Variants in PSMC3 observed in about 807,000 individuals in gnomAD.
The protein encoded by PSMC3 is 26S proteasome regulatory subunit 6A.
In PSMC3, 11 loss-of-function variants were observed where a neutral mutation model predicts 52.0. The observed-to-expected ratio is 0.21, with a 90% CI of 0.13 to 0.35. The LOEUF (loss-of-function observed/expected upper bound fraction) is 0.35. Ranked by LOEUF, PSMC3 falls within the 10% of genes least tolerant of loss-of-function variation. The probability of loss-of-function intolerance (pLI) is 1.00; values close to 1 mark genes in which losing one functional copy is unlikely to be tolerated. For missense variants in PSMC3, 238 were observed against 567.1 expected, an observed-to-expected ratio of 0.42 and a Z score of 5.89; for synonymous variants, 201 against 218.8, an observed-to-expected ratio of 0.92 and a Z score of 0.72.
intron 10 of PSMC3, among the ~76,000 whole-genome samples, chr11:47,419,865 T>TTAAA (rs1455720151): frequency 7.1e-6 from 1 of 140,046 alleles, no homozygotes; most frequent in South Asian, 2.3e-4. Context: ...TCTCCAAAAA[T>TTAAA]TAAAAAAAAA....
In PSMC3 at chr11:47,422,408, C is replaced by G. The variant is rs2096041674; in HGVS notation, c.884+166G>C. ...ATGAATGGCTGGGGAAACAGGGAGG[C>G]TATTGATCAGGAGTTAGGAATTGGA... is the stretch of plus-strand genomic sequence containing the variant. On this transcript the variant is annotated intron_variant, in intron 8 of 11. Coordinates refer to ENST00000298852, the MANE Select transcript of PSMC3 (RefSeq NM_002804.5). This position sits in a 1 kb window ranked among gnomAD's most constrained non-coding sequence, Gnocchi z 4.3. Among the ~76,000 whole-genome samples, 1 of 152,008 alleles carries G rather than the reference C, an allele frequency of 6.6e-6. No homozygotes were observed. The highest frequency in any genetic ancestry group is 6.6e-5 in the Admixed American group (1 of 15,266).
chr11:47,426,370 G>C lies in PSMC3; in HGVS notation c.-91C>G, dbSNP rs1187180612. On this transcript the variant is annotated 5_prime_UTR_variant, in exon 1 of 12. Coordinates refer to ENST00000298852, the MANE Select transcript of PSMC3 (RefSeq NM_002804.5). ...TCTTAAAGCCTTCTCTTGACCAGTG[G>C]AAAACCTCTCCCCACAAATCCCGAC... 3 of 1,194,332 alleles carry C rather than the reference G, an allele frequency of 2.5e-6. No individual in the cohort carries two copies. The highest frequency in any genetic ancestry group is 3.5e-6 in the Non-Finnish European group (3 of 861,348). 74.0% of individuals were successfully genotyped at this position (1,194,332 alleles called of 1,614,324 possible).
intron 8 of PSMC3, among the ~76,000 whole-genome samples, chr11:47,421,734 C>A (rs984390660): frequency 6.6e-6 from 1 of 151,714 alleles, no homozygotes; most frequent in African/African-American, 2.4e-5. Context: ...CCCACTGCAA[C>A]CTCCGCCTCC....
intron 1 of PSMC3, 63 bp from the exon 2 acceptor site, chr11:47,426,013 T>G (rs2096046003): frequency 6.6e-7 from 1 of 1,515,764 alleles, no homozygotes; most frequent in African/African-American, 1.4e-5. Flanking sequence ...TCCCTCGTTC[T>G]CCGAACCCAC....
At position 47,426,212 on chromosome 11, in the gene PSMC3, T is replaced by C; in HGVS notation, c.68A>G (p.Glu23Gly). The change falls in exon 1 of 12, where the codon GAG (glutamate) becomes GGG (glycine). Residue 23 changes from glutamate to glycine, a missense_variant. Glu to Gly is a moderately conservative substitution (Grantham distance 98, BLOSUM62 -2). Transcript: ENST00000298852. Reference sequence around the variant, plus strand: ...AGCTCGCCCGGTGCCCACCTCGGCCTCATCCCACACGGTCGCCATCTTCTC... The same window carrying C: ...AGCTCGCCCGGTGCCCACCTCGGCCCCATCCCACACGGTCGCCATCTTCTC... ...RQEKMATVWD[E>G]AEQDGIGEEV... 1 of 1,559,388 alleles carries C rather than the reference T, an allele frequency of 6.4e-7. No homozygotes were observed. Among genetic ancestry groups the C allele is most frequent in the Non-Finnish European group, 8.7e-7 (1 of 1,152,504 alleles).
intron 11 of PSMC3, 60 bp downstream of exon 11, chr11:47,419,056 C>T (rs2096036727): frequency 1.9e-6 from 3 of 1,610,566 alleles, no homozygotes; most frequent in Non-Finnish European, 2.5e-6. Context: ...TGCCCCCATC[C>T]TGTCCAGGGA....
chr11:47,425,474 C>G, intron 2 of PSMC3: 1 of 598,912 alleles, frequency 1.7e-6, no homozygotes, highest in Non-Finnish European at 2.9e-6. Flanking sequence ...GGAATAAAAG[C>G]AGGCCTCCGA....
rs958577646 is a variant in PSMC3 at position 47,426,353 on chromosome 11, C to A, written c.-74G>T. ...GAGATTAATACCGTCTTTCTTAAAGCCTTCTCTTGACCAGTGGAAAACCTC... is the reference window on the plus strand; with the variant it reads ...GAGATTAATACCGTCTTTCTTAAAGACTTCTCTTGACCAGTGGAAAACCTC... On this transcript the variant is annotated 5_prime_UTR_variant, in exon 1 of 12. Transcript: ENST00000298852. 1 of 1,349,382 alleles carries A rather than the reference C, an allele frequency of 7.4e-7. No homozygotes were observed. Among genetic ancestry groups the A allele is most frequent in the Non-Finnish European group, 1.0e-6 (1 of 984,054 alleles). The allele number at this position is 1,349,382 out of a possible 1,614,324, so 83.6% of individuals were successfully genotyped here. A position where few individuals can be genotyped will look rare whatever the true frequency, so the allele number is the denominator to read the frequency against.
chr11:47,426,144 T>C (rs1275465291), intron 1 of PSMC3, 61 bp downstream of exon 1: 1 of 1,516,830 alleles, frequency 6.6e-7, no homozygotes, highest in Non-Finnish European at 8.9e-7. Context: ...TCCTTCCCTC[T>C]TGTCAATGGC....
At position 47,423,791 on chromosome 11, in the gene PSMC3, G is replaced by GA. The variant is rs35942756; in HGVS notation, c.591+254dup. ...GCAGTAAAAGCAAAACTCCATCTCG[G>GA]AAAAAAAAAAAAAAAGGACACTGGG... On this transcript the variant is annotated intron_variant, in intron 6 of 11. Coordinates refer to ENST00000298852, the MANE Select transcript of PSMC3 (RefSeq NM_002804.5). Among the ~76,000 whole-genome samples, 9 of 142,220 alleles carry GA rather than the reference G, an allele frequency of 6.3e-5. No homozygotes were observed. In the South Asian group the frequency reaches 2.0e-3, roughly 32 times the overall value. The allele number at this position is 142,220 out of a possible 152,430, so 93.3% of individuals were successfully genotyped here. A position where few individuals can be genotyped will look rare whatever the true frequency, so the allele number is the denominator to read the frequency against.
At position 47,424,460 on chromosome 11, in the gene PSMC3, T is replaced by C. The variant is rs1410358871; in HGVS notation, c.422A>G (p.Asp141Gly). The C allele has an allele frequency of 2.5e-6, 4 of 1,614,068 alleles. No individual in the cohort carries two copies. The South Asian group carries it at 4.4e-5, about 18-fold the overall frequency. ...GTCTCCTGGCTTTAGCTTTTCAGCA[T>C]CCACCAACCCAATCACAGGAAGGAA... ...TYFLPVIGLVDAEKLKPGDLV... is the reference protein window; with the variant it reads ...TYFLPVIGLVGAEKLKPGDLV... Residue 141 changes from aspartate to glycine, a missense_variant, in exon 5 of 12, where the codon GAT becomes GGT. Asp to Gly is a moderately conservative substitution (Grantham distance 94). This residue lies in a region of PSMC3 where 60 missense variants were observed against 117.3 expected (regional missense o/e 0.51). Transcript: ENST00000298852. The surrounding 1 kb of genome is among the most constrained non-coding windows in gnomAD (Gnocchi z 4.8).
chr11:47,420,537 A>G lies in PSMC3; in HGVS notation c.981+94T>C, dbSNP rs572441414. Reference sequence around the variant, plus strand: ...CATGGGATGTTAAAGACAGATCCCAATTCTCATTCCAGCTCCACCACTGGC... The same window carrying G: ...CATGGGATGTTAAAGACAGATCCCAGTTCTCATTCCAGCTCCACCACTGGC... On this transcript the variant is annotated intron_variant, in intron 9 of 11. Transcript: ENST00000298852. 5.2e-5 allele frequency: 78 copies of G among 1,512,488 alleles called. No homozygotes were observed. The African/African-American group carries it at 7.7e-4, about 15-fold the overall frequency. 93.7% of individuals were successfully genotyped at this position (1,512,488 alleles called of 1,614,324 possible). A position where few individuals can be genotyped will look rare whatever the true frequency, so the allele number is the denominator to read the frequency against.
At chr11:47,425,046 T>G in intron 3 of PSMC3, 75 bp downstream of exon 3, 2 of 1,596,072 alleles carry the variant, frequency 1.3e-6, no homozygotes, top group Non-Finnish European at 8.6e-7. Context: ...CACCCACTCT[T>G]TCCCTAGTGG....
chr11:47,421,236 C>T (rs1327483936), intron 8 of PSMC3, among the ~76,000 whole-genome samples: 2 of 106,976 alleles, frequency 1.9e-5, no homozygotes, highest in East Asian at 3.0e-4. Context: ...GACGACAGAG[C>T]GAGACTCCAT....
rs1013137956 is a variant in PSMC3 at position 47,424,304 on chromosome 11, A to G, written c.454-121T>C. ...TGGGCAATACAAGAATCAAACAGCAAGTAGACAGAATCCCAGACTCTCGGA... is the reference window on the plus strand; with the variant it reads ...TGGGCAATACAAGAATCAAACAGCAGGTAGACAGAATCCCAGACTCTCGGA... On this transcript the variant is annotated intron_variant, in intron 5 of 11. Coordinates refer to ENST00000298852, the MANE Select transcript of PSMC3 (RefSeq NM_002804.5). This position sits in a 1 kb window ranked among gnomAD's most constrained non-coding sequence, Gnocchi z 4.8. 39 of 1,556,990 alleles carry G rather than the reference A, an allele frequency of 2.5e-5. No individual in the cohort carries two copies. In the East Asian group the frequency reaches 7.4e-4, roughly 30 times the overall value.
chr11:47,419,104 C>G lies in PSMC3; in HGVS notation c.1209+12G>C. 6.2e-7 allele frequency: 1 copy of G among 1,614,166 alleles called. No homozygotes were observed. Among genetic ancestry groups the G allele is most frequent in the Non-Finnish European group, 8.5e-7 (1 of 1,180,024 alleles). On this transcript the variant is annotated intron_variant, in intron 11 of 11. Coordinates refer to ENST00000298852, the MANE Select transcript of PSMC3 (RefSeq NM_002804.5). ...GCACAAAGCAACGCACCCACCCCAG[C>G]TGACCACTCACCGCCTCCACACACA... is the stretch of plus-strand genomic sequence containing the variant.
At chr11:47,420,557 A>G in intron 9 of PSMC3, 74 bp downstream of exon 9, 2 of 1,505,558 alleles carry the variant, frequency 1.3e-6, no homozygotes. Context: ...CAGCTCCACC[A>G]CTGGCTAGCT....
chr11:47,423,942 G>A (rs536214522), intron 6 of PSMC3, 104 bp downstream of exon 6: 2 of 1,510,570 alleles, frequency 1.3e-6, no homozygotes, highest in African/African-American at 1.4e-5. Flanking sequence ...TCCTCCCTAG[G>A]TTGCTATGAG....
chr11:47,425,318 A>C, intron 2 of PSMC3, 72 bp from the exon 3 acceptor site: 1 of 1,589,370 alleles, frequency 6.3e-7, no homozygotes, highest in Non-Finnish European at 8.6e-7. Flanking sequence ...GTAACTAGTG[A>C]GGTCCAGGGT....
Sources: gnomAD v4.1 joint callset for allele counts (sites outside exome capture counted in the v4.1 genomes callset) on GRCh38, gnomAD v4.1.1 for gene constraint, gnomAD v4.1.1 regional missense constraint, Gnocchi (gnomAD v3.1) non-coding constraint, MANE v1.5 for transcripts, NCBI Gene and HGNC (gene_info 2026-07-23, HGNC 2026-07-21) for gene names.